Variants in ZZEF1 observed in about 807,000 individuals in gnomAD.
The protein encoded by ZZEF1 is zinc finger ZZ-type and EF-hand domain containing 1.
A neutral mutation model predicts 342.8 loss-of-function variants in ZZEF1; 157 were observed. That is an observed-to-expected ratio of 0.46 (90% CI 0.40 to 0.52). The LOEUF (loss-of-function observed/expected upper bound fraction) is 0.52, where lower values mean the gene tolerates loss of function less well. ZZEF1 is among the 20% of genes least tolerant of loss of function. The pLI, the probability that ZZEF1 is intolerant of heterozygous loss-of-function variation, is 0.00. For synonymous variants in ZZEF1, 1,505 were observed against 1,429.1 expected (o/e 1.05, Z -1.20); for missense variants, 3,480 against 3,725.6 (o/e 0.93, Z 1.72).
At chr17:4,098,407 G>A (rs2058075511) in intron 9 of ZZEF1, among the ~76,000 whole-genome samples, 1 of 152,096 alleles carries the variant, frequency 6.6e-6, no homozygotes, top group Admixed American at 6.6e-5. Context: ...GTGAGACCCT[G>A]TCTCAAATGA....
At chr17:4,080,148 T>C (rs1048261490) in intron 18 of ZZEF1, among the ~76,000 whole-genome samples, 2 of 152,168 alleles carry the variant, frequency 1.3e-5, no homozygotes, top group African/African-American at 4.8e-5. Flanking sequence ...TCTAGAAATC[T>C]TTTTTCTGTC....
rs1320088258 is a variant in ZZEF1 at position 4,016,310 on chromosome 17, G to A, written c.8145+13C>T. The stretch of plus-strand genomic sequence containing the variant: ...TCAGTCGCTCTTATGGGGCCTGCCG[G>A]CCCCAGGCTTACCTCGAAGTTGGTG... On this transcript the variant is annotated intron_variant, in intron 49 of 54. Coordinates refer to ENST00000381638, the MANE Select transcript of ZZEF1 (RefSeq NM_015113.4). This position sits in a 1 kb window ranked among gnomAD's most constrained non-coding sequence, Gnocchi z 4.4. 16 of 1,610,668 alleles carry A rather than the reference G, an allele frequency of 9.9e-6. No homozygotes were observed. The highest frequency in any genetic ancestry group is 1.4e-5 in the Non-Finnish European group (16 of 1,178,786).
At chr17:4,067,015 T>C (rs1338910788) in intron 27 of ZZEF1, 148 bp downstream of exon 27, 5 of 632,374 alleles carry the variant, frequency 7.9e-6, no homozygotes, top group Non-Finnish European at 1.3e-5. Flanking sequence ...GGGTTCTAAA[T>C]TGTTTTATAT....
intron 39 of ZZEF1, 78 bp from the exon 40 acceptor site, chr17:4,034,370 A>G: frequency 6.8e-7 from 1 of 1,479,778 alleles, no homozygotes; most frequent in Non-Finnish European, 9.2e-7. Context: ...TCTCCCTCCT[A>G]CCTTATTTAC....
intron 26 of ZZEF1, among the ~76,000 whole-genome samples, chr17:4,068,210 T>C (rs1053115366): frequency 2.6e-5 from 4 of 152,226 alleles, no homozygotes; most frequent in Non-Finnish European, 5.9e-5. Context: ...GGTGAGACTG[T>C]AGCTGATAAT....
chr17:4,122,952 C>T (rs1268347161), intron 2 of ZZEF1, among the ~76,000 whole-genome samples: 1 of 142,728 alleles, frequency 7.0e-6, no homozygotes, highest in African/African-American at 2.6e-5. Context: ...TGGAGTCTCG[C>T]TTTGTTGCCC....
intron 1 of ZZEF1, among the ~76,000 whole-genome samples, chr17:4,128,811 G>A (rs545229173): frequency 9.6e-4 from 115 of 119,276 alleles, no homozygotes; most frequent in African/African-American, 3.6e-3. Flanking sequence ...TTGCTCTGTC[G>A]CCCAGACTGG....
rs1156854610 is a variant in ZZEF1, at chr17:4,141,954, T to C, written c.354+588A>G. ...TAATTACAAGTATTCACAGGAAACC[T>C]GGTATTTGCCTATCAGTTTCGGATC... On this transcript the variant is annotated intron_variant, in intron 1 of 54. Coordinates refer to ENST00000381638, the MANE Select transcript of ZZEF1 (RefSeq NM_015113.4). Among the ~76,000 whole-genome samples the C allele has an allele frequency of 2.0e-5, 3 of 152,250 alleles. No homozygotes were observed. The East Asian group carries it at 5.8e-4, about 29-fold the overall frequency.
intron 44 of ZZEF1, among the ~76,000 whole-genome samples, chr17:4,021,548 T>C (rs2144984491): frequency 6.6e-6 from 1 of 152,342 alleles, no homozygotes; most frequent in South Asian, 2.1e-4. Context: ...TCCCCACAGA[T>C]GGTATCAACT....
intron 24 of ZZEF1, 192 bp from the exon 25 acceptor site, chr17:4,072,948 T>A: frequency 2.0e-6 from 1 of 492,466 alleles, no homozygotes; most frequent in Non-Finnish European, 3.5e-6. Flanking sequence ...CACCAAGTCC[T>A]GAAATACTGC....
chr17:4,072,131 T>TGGGGC (rs1283196082), intron 25 of ZZEF1, among the ~76,000 whole-genome samples: 1 of 151,366 alleles, frequency 6.6e-6, no homozygotes, highest in Non-Finnish European at 1.5e-5. Context: ...CTGAATAACG[T>TGGGGC]GGGGCAGGGC....
rs2057653576 is a variant in ZZEF1, at chr17:4,077,922, A to T, written c.2950T>A (p.Ser984Thr). Residue 984 changes from serine (S) to threonine (T), a missense_variant, in exon 19 of 55, where the codon TCT becomes ACT. Coordinates refer to ENST00000381638, the MANE Select transcript of ZZEF1 (RefSeq NM_015113.4). ...TCCACGGCAAGATCTTTGGCTCCAG[A>T]GTCCGTGCTCTTCAGCTGCAGGTAG... ...WCYLQLKSTD[S>T]GAKDLAVDLI... 1.2e-6 allele frequency: 2 copies of T among 1,614,062 alleles called. No individual in the cohort carries two copies. Among genetic ancestry groups the T allele is most frequent in the Admixed American group, 3.3e-5 (2 of 60,012 alleles).
chr17:4,099,898 A>T (rs1176876822), intron 9 of ZZEF1, among the ~76,000 whole-genome samples: 2 of 135,858 alleles, frequency 1.5e-5, no homozygotes, highest in African/African-American at 5.5e-5. Context: ...TCCACTTGCC[A>T]ATTTATTCTT....
In ZZEF1 at chr17:4,032,868, G is replaced by A; in HGVS notation, c.6719C>T (p.Thr2240Ile). Residue 2240 changes from threonine (T) to isoleucine (I), a missense_variant, in exon 41 of 55, where the codon ACC becomes ATC. Thr to Ile is a moderately conservative substitution (Grantham distance 89, BLOSUM62 -1). This residue lies in a region of ZZEF1 where 1,269 missense variants were observed against 1,342.4 expected (regional missense o/e 0.95). Coordinates refer to ENST00000381638, the MANE Select transcript of ZZEF1 (RefSeq NM_015113.4). Reference sequence around the variant, plus strand: ...CAGCACGAGCAGGGTGAAGATGTTGGTGTGCTTCAGCTGGAATGGCAGCTG... The same window carrying A: ...CAGCACGAGCAGGGTGAAGATGTTGATGTGCTTCAGCTGGAATGGCAGCTG... ...IKQLPFQLKH[T>I]NIFTLLVLVG... The A allele has an allele frequency of 1.9e-6, 3 of 1,614,190 alleles. No homozygotes were observed. Among genetic ancestry groups the A allele is most frequent in the South Asian group, 1.1e-5 (1 of 91,082 alleles).
At chr17:4,091,768 C>T (rs1567833751) in intron 11 of ZZEF1, among the ~76,000 whole-genome samples, 1 of 147,484 alleles carries the variant, frequency 6.8e-6, no homozygotes, top group South Asian at 2.2e-4. Flanking sequence ...CAGAGCAAGG[C>T]TCCATCTCAA....
At chr17:4,128,607 G>A (rs1289492982) in intron 1 of ZZEF1, among the ~76,000 whole-genome samples, 2 of 151,222 alleles carry the variant, frequency 1.3e-5, no homozygotes, top group Non-Finnish European at 2.9e-5. Context: ...CCACAGGCAT[G>A]CACCACCACA....
At chr17:4,018,698 G>A (rs2056183207) in intron 46 of ZZEF1, among the ~76,000 whole-genome samples, 1 of 152,176 alleles carries the variant, frequency 6.6e-6, no homozygotes, top group South Asian at 2.1e-4. Context: ...AAAGCTCCCT[G>A]AGTTTTAGCA....
Position 4,142,820 on chromosome 17 carries a change from C to A in ZZEF1, c.76G>T (p.Asp26Tyr). 2.1e-6 allele frequency: 3 copies of A among 1,410,740 alleles called. No individual in the cohort carries two copies. Among genetic ancestry groups the A allele is most frequent in the South Asian group, 1.6e-5 (1 of 63,750 alleles). 87.4% of individuals were successfully genotyped at this position (1,410,740 alleles called of 1,614,324 possible). Reference sequence around the variant, plus strand: ...GTCGTGCCCGAGACCGCGGCCCAGTCCTGGTGTGGGCCCCAGCCCTCGCCA... The same window carrying A: ...GTCGTGCCCGAGACCGCGGCCCAGTACTGGTGTGGGCCCCAGCCCTCGCCA... ...AGGEGWGPHQ[D>Y]WAAVSGTTPG... Residue 26 changes from aspartate to tyrosine, a missense_variant, in exon 1 of 55, where the codon GAC becomes TAC. Around this residue, in one of 5 missense-constraint regions of ZZEF1, gnomAD observed 416 missense variants for 374.2 expected, o/e 1.11. Coordinates refer to ENST00000381638, the MANE Select transcript of ZZEF1 (RefSeq NM_015113.4).
intron 1 of ZZEF1, among the ~76,000 whole-genome samples, chr17:4,141,446 T>A (rs997366189): frequency 4.6e-5 from 7 of 152,168 alleles, no homozygotes; most frequent in African/African-American, 1.7e-4. Context: ...GCTAACTCAT[T>A]TTCACAAAAT....
Sources: allele counts gnomAD v4.1 joint callset (sites outside exome capture counted in the v4.1 genomes callset), GRCh38; gene constraint gnomAD v4.1.1; regional missense constraint gnomAD v4.1.1; non-coding constraint Gnocchi (gnomAD v3.1); transcripts MANE v1.5; gene names NCBI Gene and HGNC (gene_info 2026-07-23, HGNC 2026-07-21).